The following HS6ST2 variants were observed in gnomAD, a reference collection of about 807,000 sequenced individuals.
HS6ST2 encodes heparan-sulfate 6-O-sulfotransferase 2.
Under a neutral mutation model 33.0 loss-of-function variants are expected in HS6ST2, and 17 were observed. The observed-to-expected ratio is 0.52, with a 90% CI of 0.35 to 0.77. The LOEUF is 0.77. Ranked by LOEUF, HS6ST2 falls within the 30% of genes least tolerant of loss-of-function variation. HS6ST2 has a pLI of 0.01. For synonymous variants in HS6ST2, 248 were observed against 237.1 expected, an observed-to-expected ratio of 1.05 and a Z score of -0.42; for missense variants, 519 against 551.7, an observed-to-expected ratio of 0.94 and a Z score of 0.59.
intron 3 of HS6ST2, among the ~76,000 whole-genome samples, chrX:132,672,707 T>A (rs760104184): frequency 8.9e-6 from 1 of 112,267 alleles, no homozygotes; most frequent in South Asian, 3.7e-4. Context: ...TCCATAAATG[T>A]CTCCAGCACT....
chrX:132,870,173 A>T (rs748228843), intron 2 of HS6ST2, among the ~76,000 whole-genome samples: 7 of 111,195 alleles, frequency 6.3e-5, no homozygotes, highest in African/African-American at 1.3e-4. Flanking sequence ...CACAATTGCT[A>T]CAAAGAGAAT....
chrX:132,661,317 C>CA (rs1205477445), intron 4 of HS6ST2, among the ~76,000 whole-genome samples: 188 of 91,178 alleles, frequency 2.1e-3, no homozygotes, highest in African/African-American at 4.5e-3. Flanking sequence ...TGGAATCTAC[C>CA]AAAAAAAAAA....
At chrX:132,654,642 T>TTATGAGATGC (rs1455702147) in intron 4 of HS6ST2, among the ~76,000 whole-genome samples, 2 of 112,460 alleles carry the variant, frequency 1.8e-5, no homozygotes, top group Non-Finnish European at 3.8e-5. Context: ...CATGCACTTT[T>TTATGAGATGC]TATGAGATGC....
At chrX:132,744,490 T>A (rs2064616330) in intron 2 of HS6ST2, among the ~76,000 whole-genome samples, 1 of 112,354 alleles carries the variant, frequency 8.9e-6, no homozygotes, top group Non-Finnish European at 1.9e-5. Flanking sequence ...ATAGCTTGTG[T>A]CAACTGGGCT....
At chrX:132,947,638 T>C (rs1170160579) in intron 2 of HS6ST2, among the ~76,000 whole-genome samples, 1 of 111,992 alleles carries the variant, frequency 8.9e-6, no homozygotes, top group Non-Finnish European at 1.9e-5. Context: ...ATCCTTTTTG[T>C]GTGCTTTATG....
intron 2 of HS6ST2, among the ~76,000 whole-genome samples, chrX:132,911,990 T>C (rs2066540676): frequency 9.0e-6 from 1 of 111,572 alleles, no homozygotes; most frequent in Non-Finnish European, 1.9e-5. Context: ...CAAAACACTC[T>C]ATCATATATC....
rs2063481033 is a variant in HS6ST2 at position 132,626,332 on chromosome X, T to G, written c.*1891A>C. On this transcript the variant is annotated 3_prime_UTR_variant, in exon 5 of 5. Coordinates refer to ENST00000370833, the MANE Select transcript of HS6ST2 (RefSeq NM_001394073.1). The stretch of plus-strand genomic sequence containing the variant: ...AGTTTTAAAAGCAAACATTTTCAAT[T>G]AAAACTAAAGAAAATTGAAATACCA... The G allele has an allele frequency of 8.9e-6, 1 of 112,720 alleles. No individual in the cohort carries two copies. Among genetic ancestry groups the G allele is most frequent in the South Asian group, 3.7e-4 (1 of 2,733 alleles). 9.3% of individuals were successfully genotyped at this position (112,720 alleles called of 1,213,427 possible).
chrX:132,690,578 C>T (rs1439879147), intron 3 of HS6ST2, among the ~76,000 whole-genome samples: 1 of 111,603 alleles, frequency 9.0e-6, no homozygotes, highest in Non-Finnish European at 1.9e-5. Flanking sequence ...TTGTCTCCAC[C>T]CCAGTAACAA....
chrX:132,662,258 G>A (rs2063779775), intron 4 of HS6ST2, among the ~76,000 whole-genome samples: 1 of 108,218 alleles, frequency 9.2e-6, no homozygotes, highest in South Asian at 4.1e-4. Context: ...GAAGGAAGGA[G>A]GGAAAAGTGA....
intron 2 of HS6ST2, among the ~76,000 whole-genome samples, chrX:132,890,277 CCA>C (rs2066294398): frequency 9.2e-6 from 1 of 109,105 alleles, no homozygotes; most frequent in African/African-American, 3.3e-5. Context: ...CAATAATGTA[CCA>C]AGGTCATACA....
At chrX:132,737,152 C>T (rs1417526701) in intron 2 of HS6ST2, among the ~76,000 whole-genome samples, 1 of 111,105 alleles carries the variant, frequency 9.0e-6, no homozygotes, top group Admixed American at 9.5e-5. Context: ...TCACATAGCT[C>T]GACCCTGTGG....
chrX:132,777,534 G>A (rs938450060), intron 2 of HS6ST2, among the ~76,000 whole-genome samples: 5 of 109,114 alleles, frequency 4.6e-5, no homozygotes, highest in Admixed American at 2.0e-4. Flanking sequence ...GGATTCAGGC[G>A]ATTCTCCTGC....
intron 2 of HS6ST2, among the ~76,000 whole-genome samples, chrX:132,718,925 T>C (rs2064302636): frequency 9.0e-6 from 1 of 110,857 alleles, no homozygotes; most frequent in Non-Finnish European, 1.9e-5. Flanking sequence ...CTTGCTATTA[T>C]ACCTATATTT....
intron 3 of HS6ST2, among the ~76,000 whole-genome samples, chrX:132,703,917 A>G (rs1026694671): frequency 1.8e-5 from 2 of 112,041 alleles, no homozygotes; most frequent in Non-Finnish European, 3.8e-5. Flanking sequence ...TAAATTGTCA[A>G]TGTACCTGCA....
At chrX:132,759,528 G>T (rs1431030281) in intron 2 of HS6ST2, among the ~76,000 whole-genome samples, 1 of 111,128 alleles carries the variant, frequency 9.0e-6, no homozygotes, top group Non-Finnish European at 1.9e-5. Context: ...GGGAGTGATT[G>T]TTTAATGCAT....
At chrX:132,848,344 A>G (rs1301644542) in intron 2 of HS6ST2, among the ~76,000 whole-genome samples, 1 of 112,604 alleles carries the variant, frequency 8.9e-6, no homozygotes, top group East Asian at 2.8e-4. Context: ...GATGGATGGC[A>G]ATGAGCCTGT....
At chrX:132,652,941 A>ATTT (rs938085284) in intron 4 of HS6ST2, among the ~76,000 whole-genome samples, 2 of 109,123 alleles carry the variant, frequency 1.8e-5, no homozygotes, top group African/African-American at 6.7e-5. Context: ...TCAGACTTAG[A>ATTT]TTTTTTTTTT....
At chrX:132,729,379 C>A (rs757833522) in intron 2 of HS6ST2, among the ~76,000 whole-genome samples, 1 of 111,942 alleles carries the variant, frequency 8.9e-6, no homozygotes, top group South Asian at 3.7e-4. Context: ...CATTGCCCAG[C>A]AGGATGGGCA....
At chrX:132,684,538 G>A (rs753857637) in intron 3 of HS6ST2, among the ~76,000 whole-genome samples, 1 of 110,000 alleles carries the variant, frequency 9.1e-6, no homozygotes, top group East Asian at 2.9e-4. Context: ...AAACCAGGAG[G>A]CATGAATTTG....
Sources: allele counts gnomAD v4.1 joint callset (sites outside exome capture counted in the v4.1 genomes callset), GRCh38; gene constraint gnomAD v4.1.1; transcripts MANE v1.5; gene names NCBI Gene and HGNC (gene_info 2026-07-23, HGNC 2026-07-21).